Variants in DENND5B observed in about 807,000 individuals in gnomAD.
DENND5B encodes DENN domain containing 5B, also known as DENN domain-containing protein 5B.
Under a neutral mutation model 140.6 loss-of-function variants are expected in DENND5B, and 34 were observed. The ratio of observed to expected loss-of-function variants is 0.24; its 90% CI spans 0.18 to 0.32. The LOEUF (loss-of-function observed/expected upper bound fraction) is 0.32, where lower values mean the gene tolerates loss of function less well. DENND5B is among the 10% of genes least tolerant of loss of function. DENND5B has a pLI of 1.00. For synonymous variants in DENND5B, 551 were observed against 562.1 expected (o/e 0.98, Z 0.28); for missense variants, 1,142 against 1,560.2 (o/e 0.73, Z 4.52).
chr12:31,456,730 A>C (rs1275702714), intron 4 of DENND5B, among the ~76,000 whole-genome samples: 1 of 152,174 alleles, frequency 6.6e-6, no homozygotes, highest in Non-Finnish European at 1.5e-5. Flanking sequence ...AAGTGATCTC[A>C]CTTCTCAGTG....
intron 1 of DENND5B, among the ~76,000 whole-genome samples, chr12:31,515,092 C>T (rs1201424263): frequency 1.3e-5 from 2 of 152,204 alleles, no homozygotes; most frequent in African/African-American, 4.8e-5. Context: ...CACTGTACTG[C>T]AGCCTGGGCA....
intron 1 of DENND5B, among the ~76,000 whole-genome samples, chr12:31,587,182 A>G (rs1005323583): frequency 6.6e-6 from 1 of 152,084 alleles, no homozygotes; most frequent in Non-Finnish European, 1.5e-5. Context: ...TTAAATTTAT[A>G]CCTACAGTCC....
At chr12:31,424,001 G>A (rs1201022520) in intron 10 of DENND5B, among the ~76,000 whole-genome samples, 1 of 152,126 alleles carries the variant, frequency 6.6e-6, no homozygotes, top group Non-Finnish European at 1.5e-5. Flanking sequence ...AGTAACCATG[G>A]AATTAAAATG....
chr12:31,461,964 A>G (rs1945040030), intron 3 of DENND5B, among the ~76,000 whole-genome samples: 1 of 152,180 alleles, frequency 6.6e-6, no homozygotes, highest in Admixed American at 6.5e-5. Context: ...TTTTTGTGTC[A>G]TTTTATAATT....
At chr12:31,493,020 T>A (rs575037302) in intron 2 of DENND5B, among the ~76,000 whole-genome samples, 1 of 152,172 alleles carries the variant, frequency 6.6e-6, no homozygotes, top group Non-Finnish European at 1.5e-5. Context: ...CACCATGCTA[T>A]CCCCTCCCTA....
At chr12:31,516,825 G>C (rs992173992) in intron 1 of DENND5B, among the ~76,000 whole-genome samples, 1 of 152,034 alleles carries the variant, frequency 6.6e-6, no homozygotes, top group Non-Finnish European at 1.5e-5. Flanking sequence ...TCTAATCCCA[G>C]CACTTTGGGA....
chr12:31,561,412 C>T (rs780903722), intron 1 of DENND5B, among the ~76,000 whole-genome samples: 11 of 152,100 alleles, frequency 7.2e-5, no homozygotes, highest in Admixed American at 5.9e-4. Context: ...TCACCTGAGC[C>T]CGGAAGTTCA....
chr12:31,509,646 C>CAAAATATCG (rs1420229639), intron 1 of DENND5B, among the ~76,000 whole-genome samples: 3 of 149,040 alleles, frequency 2.0e-5, no homozygotes, highest in African/African-American at 7.8e-5. Context: ...AAATAGTGAA[C>CAAAATATCG]AAAATATCCA....
intron 1 of DENND5B, among the ~76,000 whole-genome samples, chr12:31,529,439 C>T (rs961551862): frequency 6.6e-6 from 1 of 152,152 alleles, no homozygotes; most frequent in African/African-American, 2.4e-5. Flanking sequence ...ATGGCAGGTC[C>T]AGGATCCCTG....
At chr12:31,507,778 C>T (rs1244620199) in intron 1 of DENND5B, among the ~76,000 whole-genome samples, 1 of 152,098 alleles carries the variant, frequency 6.6e-6, no homozygotes, top group Non-Finnish European at 1.5e-5. Context: ...AAGTGATTTT[C>T]AAATAATAAA....
intron 2 of DENND5B, among the ~76,000 whole-genome samples, chr12:31,489,511 C>G (rs1194458524): frequency 2.0e-5 from 3 of 152,156 alleles, no homozygotes; most frequent in African/African-American, 7.2e-5. Context: ...ACTACTCCTG[C>G]TTAAGAGATG....
At chr12:31,551,415 G>C (rs1278144424) in intron 1 of DENND5B, among the ~76,000 whole-genome samples, 1 of 152,082 alleles carries the variant, frequency 6.6e-6, no homozygotes, top group Non-Finnish European at 1.5e-5. Context: ...CTGTTCCATT[G>C]ATCTATATCT....
Position 31,517,592 on chromosome 12 carries a change from C to A in DENND5B, c.128-21673G>T, listed in dbSNP as rs1243024631. Among the ~76,000 whole-genome samples the A allele has an allele frequency of 3.3e-5, 5 of 152,282 alleles. No homozygotes were observed. In the South Asian group the frequency reaches 1.0e-3, roughly 32 times the overall value. Reference sequence around the variant, plus strand: ...ACAGCTGTAGCCTTAGTTTTACTAACGATTGTATTTGGACGTTAGTCTGTA... The same window carrying A: ...ACAGCTGTAGCCTTAGTTTTACTAAAGATTGTATTTGGACGTTAGTCTGTA... On this transcript the variant is annotated intron_variant, in intron 1 of 20. Transcript: ENST00000389082.
chr12:31,508,863 C>A (rs1313801376), intron 1 of DENND5B, among the ~76,000 whole-genome samples: 1 of 152,142 alleles, frequency 6.6e-6, no homozygotes, highest in African/African-American at 2.4e-5. Flanking sequence ...GACTAAGACC[C>A]TCCCAGTTCT....
chr12:31,576,850 G>C lies in DENND5B; in HGVS notation c.127+13856C>G, dbSNP rs141977816. On this transcript the variant is annotated intron_variant, in intron 1 of 20. Coordinates refer to ENST00000389082, the MANE Select transcript of DENND5B (RefSeq NM_144973.4). ...GGAGATCAAGCCTGCAGTGAGCTAT[G>C]ATCACACCACTGCACTCCAGCCTGG... 5.3e-5 allele frequency among the ~76,000 whole-genome samples: 8 copies of C among 151,980 alleles called. No individual in the cohort carries two copies. In the East Asian group the frequency reaches 1.5e-3, roughly 29 times the overall value.
At chr12:31,437,075 C>T (rs1253080224) in intron 7 of DENND5B, among the ~76,000 whole-genome samples, 1 of 152,096 alleles carries the variant, frequency 6.6e-6, no homozygotes, top group African/African-American at 2.4e-5. Flanking sequence ...TATAAAATCT[C>T]CTCTAGAAGG....
intron 3 of DENND5B, among the ~76,000 whole-genome samples, chr12:31,461,090 CTT>C (rs779372494): frequency 2.7e-5 from 4 of 150,574 alleles, no homozygotes; most frequent in Non-Finnish European, 5.9e-5. Flanking sequence ...TTTCTTTTTT[CTT>C]TTGTTTTGAG....
At chr12:31,501,306 G>A (rs1946991981) in intron 1 of DENND5B, among the ~76,000 whole-genome samples, 1 of 152,164 alleles carries the variant, frequency 6.6e-6, no homozygotes, top group South Asian at 2.1e-4. Flanking sequence ...ATATGAAGAA[G>A]GATGTGTTTA....
At chr12:31,441,241 G>A (rs1306272771) in intron 7 of DENND5B, among the ~76,000 whole-genome samples, 1 of 152,142 alleles carries the variant, frequency 6.6e-6, no homozygotes, top group Non-Finnish European at 1.5e-5. Flanking sequence ...CTACTTGGGA[G>A]GCTGAGGCAG....
Sources: gnomAD v4.1 joint callset for allele counts (sites outside exome capture counted in the v4.1 genomes callset) on GRCh38, gnomAD v4.1.1 for gene constraint, MANE v1.5 for transcripts, NCBI Gene and HGNC (gene_info 2026-07-23, HGNC 2026-07-21) for gene names.